Variants in FUT9 observed in about 807,000 individuals in gnomAD.
The protein encoded by FUT9 is fucosyltransferase 9.
In FUT9, 15 loss-of-function variants were observed where a neutral mutation model predicts 29.7. The observed-to-expected ratio is 0.51, with a 90% CI of 0.34 to 0.78. FUT9 has a LOEUF of 0.78. Among genes scored for constraint, FUT9 ranks in the 30% least tolerant of loss-of-function variants. FUT9 has a pLI of 0.01. For missense variants in FUT9, 319 were observed against 425.4 expected (o/e 0.75, Z 2.20); for synonymous variants, 169 against 153.7 (o/e 1.10, Z -0.74).
At chr6:96,158,485 A>T (rs1031816294) in intron 2 of FUT9, among the ~76,000 whole-genome samples, 1 of 152,116 alleles carries the variant, frequency 6.6e-6, no homozygotes, top group African/African-American at 2.4e-5. Flanking sequence ...ATCCATTTGA[A>T]TTTATGATTT....
chr6:96,152,154 G>T (rs550034141), intron 2 of FUT9, among the ~76,000 whole-genome samples: 3 of 152,238 alleles, frequency 2.0e-5, no homozygotes, highest in Non-Finnish European at 2.9e-5. Flanking sequence ...GTGCTACCCA[G>T]GATTCTGTCT....
At chr6:96,146,478 T>A (rs1263182292) in intron 2 of FUT9, among the ~76,000 whole-genome samples, 1 of 152,216 alleles carries the variant, frequency 6.6e-6, no homozygotes, top group Non-Finnish European at 1.5e-5. Flanking sequence ...AGGGGTTATA[T>A]CTTTTTAGTC....
intron 1 of FUT9, among the ~76,000 whole-genome samples, chr6:96,051,409 T>A (rs1256755085): frequency 6.6e-6 from 1 of 152,122 alleles, no homozygotes. Context: ...TCTCAGCATT[T>A]AGAGGCTGAG....
chr6:96,149,602 C>T (rs1309148447), intron 2 of FUT9, among the ~76,000 whole-genome samples: 1 of 152,124 alleles, frequency 6.6e-6, no homozygotes, highest in Non-Finnish European at 1.5e-5. Flanking sequence ...GTCAGCAGAG[C>T]TGAGAATAAA....
intron 1 of FUT9, among the ~76,000 whole-genome samples, chr6:96,041,007 C>T (rs987777438): frequency 6.6e-6 from 1 of 152,044 alleles, no homozygotes; most frequent in Admixed American, 6.6e-5. Context: ...CTGCCCGCCC[C>T]CTTTCCTCAT....
rs1432500544 is a variant in FUT9, at chr6:96,211,456, G to T, written c.*7221G>T. The T allele has an allele frequency of 6.0e-6, 1 of 166,718 alleles. No homozygotes were observed. The highest frequency in any genetic ancestry group is 1.5e-5 in the Non-Finnish European group (1 of 67,942). 10.3% of individuals were successfully genotyped at this position (166,718 alleles called of 1,614,324 possible). Reference sequence around the variant, plus strand: ...TTGACTTAATCCATCACTTCAGCTGGTCCACTAGTTTTGACACAGGACTAG... The same window carrying T: ...TTGACTTAATCCATCACTTCAGCTGTTCCACTAGTTTTGACACAGGACTAG... On this transcript the variant is annotated 3_prime_UTR_variant, in exon 3 of 3. Transcript: ENST00000302103.
chr6:96,059,279 A>G (rs1582201216), intron 1 of FUT9, among the ~76,000 whole-genome samples: 2 of 152,142 alleles, frequency 1.3e-5, no homozygotes, highest in African/African-American at 4.8e-5. Flanking sequence ...CCTCCCCTAA[A>G]TATCCCAGTG....
intron 1 of FUT9, among the ~76,000 whole-genome samples, chr6:96,109,055 T>C (rs532150225): frequency 6.6e-6 from 1 of 152,336 alleles, no homozygotes; most frequent in South Asian, 2.1e-4. Context: ...AAAATTCTAC[T>C]TAAAGTATAG....
At chr6:96,195,510 C>T (rs1232209996) in intron 2 of FUT9, among the ~76,000 whole-genome samples, 1 of 152,084 alleles carries the variant, frequency 6.6e-6, no homozygotes, top group African/African-American at 2.4e-5. Flanking sequence ...AGGCAAGAGG[C>T]ATTTGGCTCA....
intron 2 of FUT9, among the ~76,000 whole-genome samples, chr6:96,202,281 GTTCT>G (rs887053272): frequency 6.6e-6 from 1 of 151,888 alleles, no homozygotes; most frequent in Non-Finnish European, 1.5e-5. Context: ...CATCAAAGTT[GTTCT>G]TCATGAAATA....
At chr6:96,029,515 T>A (rs528336112) in intron 1 of FUT9, among the ~76,000 whole-genome samples, 2 of 151,744 alleles carry the variant, frequency 1.3e-5, no homozygotes, top group African/African-American at 4.8e-5. Context: ...TTTGGCATCC[T>A]GAAGATCAAC....
chr6:96,027,409 G>A (rs764962835), intron 1 of FUT9, among the ~76,000 whole-genome samples: 43 of 151,578 alleles, frequency 2.8e-4, no homozygotes, highest in South Asian at 4.1e-4. Context: ...CTGATGCACA[G>A]ATGTTCTTTC....
intron 2 of FUT9, among the ~76,000 whole-genome samples, chr6:96,145,519 A>G (rs918147494): frequency 7.2e-5 from 11 of 152,206 alleles, no homozygotes; most frequent in African/African-American, 2.2e-4. Context: ...TAAAAGATAA[A>G]TAAGTATGAT....
chr6:96,149,915 C>T (rs978727449), intron 2 of FUT9, among the ~76,000 whole-genome samples: 5 of 152,020 alleles, frequency 3.3e-5, no homozygotes, highest in African/African-American at 1.2e-4. Context: ...TATAGTCACC[C>T]TATTGTGCCA....
chr6:96,055,380 G>A (rs1262173931), intron 1 of FUT9, among the ~76,000 whole-genome samples: 1 of 106,056 alleles, frequency 9.4e-6, no homozygotes, highest in Non-Finnish European at 2.1e-5. Flanking sequence ...TGGCTGTTTG[G>A]GGTTTGTTTT....
chr6:96,092,319 T>C (rs1771424646), intron 1 of FUT9, among the ~76,000 whole-genome samples: 1 of 152,176 alleles, frequency 6.6e-6, no homozygotes, highest in Non-Finnish European at 1.5e-5. Context: ...TATCCTATGA[T>C]ACACTTGTGT....
intron 1 of FUT9, among the ~76,000 whole-genome samples, chr6:96,062,602 T>G (rs146905307): frequency 1.5e-3 from 228 of 152,212 alleles, no homozygotes; most frequent in African/African-American, 5.3e-3. Flanking sequence ...TAAATAGATA[T>G]ATAGATAATA....
chr6:96,092,223 A>G (rs1446543827), intron 1 of FUT9, among the ~76,000 whole-genome samples: 2 of 152,256 alleles, frequency 1.3e-5, no homozygotes, highest in East Asian at 3.9e-4. Flanking sequence ...AGCAGGTAAA[A>G]TGAATGAATT....
intron 2 of FUT9, among the ~76,000 whole-genome samples, chr6:96,153,428 A>G (rs976964595): frequency 6.6e-6 from 1 of 152,152 alleles, no homozygotes; most frequent in Admixed American, 6.5e-5. Context: ...AAAAACTAAC[A>G]CTTCTTCTAA....
Sources: gnomAD v4.1 joint callset for allele counts (sites outside exome capture counted in the v4.1 genomes callset) on GRCh38, gnomAD v4.1.1 for gene constraint, MANE v1.5 for transcripts, NCBI Gene and HGNC (gene_info 2026-07-23, HGNC 2026-07-21) for gene names.